The following HNRNPUL1 variants were observed in gnomAD, a reference collection of about 807,000 sequenced individuals.
HNRNPUL1 encodes the protein heterogeneous nuclear ribonucleoprotein U like 1, also known as heterogeneous nuclear ribonucleoprotein U-like protein 1.
In HNRNPUL1, 14 loss-of-function variants were observed where a neutral mutation model predicts 108.5. That is an observed-to-expected ratio of 0.13 (90% confidence interval 0.09 to 0.20). The LOEUF (loss-of-function observed/expected upper bound fraction) is 0.20. Ranked by LOEUF, HNRNPUL1 falls within the 10% of genes least tolerant of loss-of-function variation. The probability of loss-of-function intolerance (pLI) is 1.00; values close to 1 mark genes in which losing one functional copy is unlikely to be tolerated. For missense variants in HNRNPUL1, 804 were observed against 1,168.3 expected (o/e 0.69, Z 4.55); for synonymous variants, 422 against 445.2 (o/e 0.95, Z 0.66).
At chr19:41,305,155 T>C (rs1184637319) in intron 13 of HNRNPUL1, among the ~76,000 whole-genome samples, 1 of 152,138 alleles carries the variant, frequency 6.6e-6, no homozygotes, top group Non-Finnish European at 1.5e-5. Flanking sequence ...TCTTTCTCTT[T>C]AAAATGGGGC....
chr19:41,285,839 C>G (rs113429004), intron 7 of HNRNPUL1, among the ~76,000 whole-genome samples: 1 of 152,060 alleles, frequency 6.6e-6, no homozygotes, highest in Admixed American at 6.5e-5. Context: ...AACCCCCATG[C>G]GGTCAAAAAT....
At chr19:41,275,771 G>A (rs1395071639) in intron 4 of HNRNPUL1, among the ~76,000 whole-genome samples, 2 of 152,120 alleles carry the variant, frequency 1.3e-5, no homozygotes, top group African/African-American at 4.8e-5. Context: ...CAGCACTTGG[G>A]GAAGTTCCCT....
chr19:41,284,995 CAAA>C (rs773865440), intron 7 of HNRNPUL1, among the ~76,000 whole-genome samples: 6 of 61,480 alleles, frequency 9.8e-5, no homozygotes, highest in Middle Eastern at 8.5e-3. Flanking sequence ...GACTCTGTCT[CAAA>C]AAAAAAAAAA....
intron 10 of HNRNPUL1, among the ~76,000 whole-genome samples, chr19:41,296,163 TG>T (rs1175669430): frequency 1.3e-5 from 2 of 152,246 alleles, no homozygotes; most frequent in African/African-American, 4.8e-5. Context: ...TTAAATCAGC[TG>T]TGAAACTCAT....
At position 41,264,815 on chromosome 19, in the gene HNRNPUL1, C is replaced by T. The variant is rs777775427; in HGVS notation, c.295+17C>T. On this transcript the variant is annotated intron_variant, in intron 1 of 14. Coordinates refer to ENST00000392006, the MANE Select transcript of HNRNPUL1 (RefSeq NM_007040.6). ...ACGGACATTGTGAGAGTGCGCGGGG[C>T]GGGGGCCGGGGAGCCCGGAGCCTGG... is the stretch of plus-strand genomic sequence containing the variant. 5 of 1,336,730 alleles carry T rather than the reference C, an allele frequency of 3.7e-6. No individual in the cohort carries two copies. The African/African-American group carries it at 4.6e-5, about 12-fold the overall frequency. The allele number at this position is 1,336,730 out of a possible 1,614,324, so 82.8% of individuals were successfully genotyped here.
upstream of HNRNPUL1, among the ~76,000 whole-genome samples, chr19:41,263,810 C>G (rs532784780): frequency 1.1e-4 from 16 of 152,260 alleles, no homozygotes; most frequent in African/African-American, 3.8e-4. Context: ...GATTGGTGGG[C>G]AGATTGTTTT....
chr19:41,284,402 A>G (rs2036085945), intron 7 of HNRNPUL1, among the ~76,000 whole-genome samples: 1 of 152,214 alleles, frequency 6.6e-6, no homozygotes, highest in African/African-American at 2.4e-5. Flanking sequence ...ACTGTGACTC[A>G]CACTTGTAGT....
upstream of HNRNPUL1, among the ~76,000 whole-genome samples, chr19:41,263,446 G>C (rs967483059): frequency 6.6e-6 from 1 of 152,076 alleles, no homozygotes; most frequent in Non-Finnish European, 1.5e-5. Context: ...GGAGGGGAAG[G>C]CTCTATGGTC....
At chr19:41,278,946 T>G (rs1488485612) in intron 5 of HNRNPUL1, 131 bp from the exon 6 acceptor site, 1 of 714,532 alleles carries the variant, frequency 1.4e-6, no homozygotes, top group Non-Finnish European at 2.5e-6. Flanking sequence ...TCAGAGCTGC[T>G]TAAACGCTTC....
intron 6 of HNRNPUL1, 59 bp from the exon 7 acceptor site, chr19:41,281,104 C>A: frequency 9.9e-7 from 1 of 1,006,682 alleles, no homozygotes; most frequent in Non-Finnish European, 1.6e-6. Flanking sequence ...ATGTGGCAGC[C>A]ATTGAGGCTG....
intron 3 of HNRNPUL1, among the ~76,000 whole-genome samples, chr19:41,272,834 C>T (rs533533099): frequency 1.3e-5 from 2 of 152,344 alleles, no homozygotes; most frequent in African/African-American, 2.4e-5. Context: ...CCTTCCCTAA[C>T]AAGCCCTTCC....
In HNRNPUL1 at chr19:41,294,946, G is replaced by C. The variant is rs943844519; in HGVS notation, c.1518+260G>C. The stretch of plus-strand genomic sequence containing the variant: ...CAGGTAAGAACTGTTTAGCAAAATG[G>C]AAGGAGTATGGATTTCCAAGCCTGA... On this transcript the variant is annotated intron_variant, in intron 10 of 14. Transcript: ENST00000392006. This position sits in a 1 kb window ranked among gnomAD's most constrained non-coding sequence, Gnocchi z 4.3. 6.6e-6 allele frequency among the ~76,000 whole-genome samples: 1 copy of C among 152,188 alleles called. No individual in the cohort carries two copies. Among genetic ancestry groups the C allele is most frequent in the Non-Finnish European group, 1.5e-5 (1 of 68,036 alleles).
intron 7 of HNRNPUL1, among the ~76,000 whole-genome samples, chr19:41,290,500 G>C (rs565371101): frequency 1.3e-5 from 2 of 152,050 alleles, no homozygotes; most frequent in Non-Finnish European, 2.9e-5. Context: ...CTCACATGCC[G>C]AGGTAGGCCG....
At position 41,292,628 on chromosome 19, in the gene HNRNPUL1, T is replaced by TC; in HGVS notation, c.1266+120dup. ...AGCCTTGGGGCAAGTGGCCACTTTGTCCCAGCTCCTCAGGGTTGGACTCAG... is the reference window on the plus strand; with the variant it reads ...AGCCTTGGGGCAAGTGGCCACTTTGTCCCCAGCTCCTCAGGGTTGGACTCAG... On this transcript the variant is annotated intron_variant, in intron 8 of 14. Transcript: ENST00000392006. The surrounding 1 kb of genome is among the most constrained non-coding windows in gnomAD (Gnocchi z 4.1). The TC allele has an allele frequency of 1.6e-6, 2 of 1,254,910 alleles. No individual in the cohort carries two copies. The highest frequency in any genetic ancestry group is 3.7e-5 in the Admixed American group (2 of 54,036). The allele number at this position is 1,254,910 out of a possible 1,614,324, so 77.7% of individuals were successfully genotyped here.
Position 41,294,201 on chromosome 19 carries a change from G to T in HNRNPUL1, c.1267-137G>T. The T allele has an allele frequency of 2.3e-6, 2 of 865,268 alleles. No homozygotes were observed. The highest frequency in any genetic ancestry group is 3.7e-6 in the Non-Finnish European group (2 of 546,994). 53.6% of individuals were successfully genotyped at this position (865,268 alleles called of 1,614,324 possible). A position where few individuals can be genotyped will look rare whatever the true frequency, so the allele number is the denominator to read the frequency against. On this transcript the variant is annotated intron_variant, in intron 8 of 14. Coordinates refer to ENST00000392006, the MANE Select transcript of HNRNPUL1 (RefSeq NM_007040.6). This position sits in a 1 kb window ranked among gnomAD's most constrained non-coding sequence, Gnocchi z 4.3. ...TTTTGAATCCCGATACCAGTACTGT[G>T]AGGTAGATGGTATTACTGCTTCCGC...
intron 8 of HNRNPUL1, among the ~76,000 whole-genome samples, chr19:41,293,492 C>G (rs912099253): frequency 6.6e-6 from 1 of 152,172 alleles, no homozygotes; most frequent in African/African-American, 2.4e-5. Flanking sequence ...CTTACAAACT[C>G]GCCACTCCCC....
In HNRNPUL1 at chr19:41,292,292, A is replaced by G. The variant is rs1890152587; in HGVS notation, c.1047A>G (p.Gly349=). ...TGGAACTGTCTTTTACCAAGAATGG[A>G]AAGTGGATGGGCATTGCTTTCCGAA... ...NDVELSFTKN[G]KWMGIAFRIQ... is the part of the protein sequence containing the mutation. The change falls in exon 8 of 15, where the codon GGA becomes GGG. Residue 349 remains glycine (G), a synonymous_variant. Coordinates refer to ENST00000392006, the MANE Select transcript of HNRNPUL1 (RefSeq NM_007040.6). The surrounding 1 kb of genome is among the most constrained non-coding windows in gnomAD (Gnocchi z 4.1). 2 of 1,614,050 alleles carry G rather than the reference A, an allele frequency of 1.2e-6. No individual in the cohort carries two copies. Among genetic ancestry groups the G allele is most frequent in the South Asian group, 2.2e-5 (2 of 91,082 alleles).
In HNRNPUL1 at chr19:41,304,017, G is replaced by C. The variant is rs781485852; in HGVS notation, c.2018G>C (p.Gly673Ala). The change falls in exon 13 of 15, where the codon GGT becomes GCT. Residue 673 changes from glycine (G) to alanine (A), a missense_variant. Around this residue, in one of 4 missense-constraint regions of HNRNPUL1, gnomAD observed 294 missense variants for 388.3 expected, o/e 0.76. Coordinates refer to ENST00000392006, the MANE Select transcript of HNRNPUL1 (RefSeq NM_007040.6). ...GGTGGCTATAGCCAGAACCGCTGGG[G>C]TAACAACAACCGGGATAACAACAAC... ...GGGGYSQNRW[G>A]NNNRDNNNSN... 6.2e-7 allele frequency: 1 copy of C among 1,613,840 alleles called. No homozygotes were observed. The highest frequency in any genetic ancestry group is 8.5e-7 in the Non-Finnish European group (1 of 1,179,956).
Position 41,264,390 on chromosome 19 carries a change from C to T in HNRNPUL1, c.-114C>T, listed in dbSNP as rs2034670306. ...GGCGGCCATTTTGAGCCGCTGCCGC[C>T]ATTGGAGTGGGCCCCCCCCCTTTCC... On this transcript the variant is annotated 5_prime_UTR_variant, in exon 1 of 15. Transcript: ENST00000392006. 2.2e-6 allele frequency: 2 copies of T among 904,170 alleles called. No homozygotes were observed. The highest frequency in any genetic ancestry group is 1.7e-5 in the African/African-American group (1 of 57,888). 56.0% of individuals were successfully genotyped at this position (904,170 alleles called of 1,614,324 possible). A position where few individuals can be genotyped will look rare whatever the true frequency, so the allele number is the denominator to read the frequency against.
Sources: gnomAD v4.1 joint callset for allele counts (sites outside exome capture counted in the v4.1 genomes callset) on GRCh38, gnomAD v4.1.1 for gene constraint, gnomAD v4.1.1 regional missense constraint, Gnocchi (gnomAD v3.1) non-coding constraint, MANE v1.5 for transcripts, NCBI Gene and HGNC (gene_info 2026-07-23, HGNC 2026-07-21) for gene names.